IL17RA: variants seen among roughly 807,000 people sequenced by gnomAD.
IL17RA encodes interleukin-17 receptor A.
In IL17RA, 34 loss-of-function variants were observed where a neutral mutation model predicts 50.4. The observed-to-expected ratio is 0.67, with a 90% confidence interval of 0.51 to 0.90. The LOEUF (loss-of-function observed/expected upper bound fraction) is 0.90, where lower values mean the gene tolerates loss of function less well. Among genes scored for constraint, IL17RA ranks in the 40% least tolerant of loss-of-function variants. The pLI is 0.00. For synonymous variants in IL17RA, 585 were observed against 510.4 expected, an observed-to-expected ratio of 1.15 and a Z score of -1.97; for missense variants, 1,276 against 1,169.8, an observed-to-expected ratio of 1.09 and a Z score of -1.32.
At chr22:17,108,285 A>T in intron 12 of IL17RA, 22 bp from the exon 13 acceptor site, 1 of 1,612,906 alleles carries the variant, frequency 6.2e-7, no homozygotes, top group Non-Finnish European at 8.5e-7. Flanking sequence ...GAGGGTCAGC[A>T]TGTGTGGTCT....
intron 3 of IL17RA, 113 bp downstream of exon 3, chr22:17,098,056 T>C: frequency 8.0e-7 from 1 of 1,257,054 alleles, no homozygotes; most frequent in South Asian, 1.2e-5. Context: ...GGGGTTCAAA[T>C]TTAGTGCTAT....
intron 10 of IL17RA, 92 bp from the exon 11 acceptor site, chr22:17,105,761 G>T: frequency 7.1e-7 from 1 of 1,417,390 alleles, no homozygotes; most frequent in Non-Finnish European, 9.9e-7. Context: ...GGCCAGAGAG[G>T]ACAGAGCCTG....
At chr22:17,105,828 ACT>A (rs761432304) in intron 10 of IL17RA, 23 bp from the exon 11 acceptor site, 2 of 392,618 alleles carry the variant, frequency 5.1e-6, no homozygotes, top group Non-Finnish European at 6.8e-6. Flanking sequence ...CCGCCGCATC[ACT>A]CACGCTGTTC....
Position 17,085,108 on chromosome 22 carries a change from G to A in IL17RA, c.17G>A (p.Ser6Asn). The change falls in exon 1 of 13, where the codon AGC becomes AAC. Residue 6 changes from serine (S) to asparagine (N), a missense_variant. Coordinates refer to ENST00000319363, the MANE Select transcript of IL17RA (RefSeq NM_014339.7). ...AGCCGGGCCATGGGGGCCGCACGCA[G>A]CCCGCCGTCCGCTGTCCCGGGGCCC... The part of the protein sequence containing the change: MGAAR[S>N]PPSAVPGPLL... 3.7e-6 allele frequency: 5 copies of A among 1,368,894 alleles called. No homozygotes were observed. Among genetic ancestry groups the A allele is most frequent in the Non-Finnish European group, 4.7e-6 (5 of 1,061,778 alleles). 84.8% of individuals were successfully genotyped at this position (1,368,894 alleles called of 1,614,324 possible).
Position 17,114,025 on chromosome 22 carries a change from G to A in IL17RA, c.*4205G>A, listed in dbSNP as rs738034. On this transcript the variant is annotated 3_prime_UTR_variant, in exon 13 of 13. Transcript: ENST00000319363. ...CCGGTGTTTGCCTTTTCAGATTATA[G>A]AAGTAATATGTGTTCCCATATTTGG... The A allele has an allele frequency of 0.56, 84,496 of 152,082 alleles. 23,820 individuals are homozygous for A. Among genetic ancestry groups the A allele is most frequent in the Middle Eastern group, 0.69 (204 of 294 alleles). The allele number at this position is 152,082 out of a possible 1,614,324, so 9.4% of individuals were successfully genotyped here.
chr22:17,094,681 CTCTCTCTCTCTA>C (rs1321995765), intron 1 of IL17RA, among the ~76,000 whole-genome samples: 1 of 48,200 alleles, frequency 2.1e-5, no homozygotes, highest in Admixed American at 1.8e-4. Context: ...CTCTCTCTCT[CTCTCTCTCTCTA>C]TATATATATA....
At chr22:17,091,190 G>A (rs2061346577) in intron 1 of IL17RA, among the ~76,000 whole-genome samples, 1 of 152,140 alleles carries the variant, frequency 6.6e-6, no homozygotes, top group African/African-American at 2.4e-5. Flanking sequence ...TATGTATGAG[G>A]GATGGATATA....
intron 4 of IL17RA, among the ~76,000 whole-genome samples, chr22:17,100,150 A>C (rs972721972): frequency 6.6e-5 from 10 of 151,850 alleles, no homozygotes; most frequent in African/African-American, 2.4e-4. Context: ...TTAAAAAAAA[A>C]AAAAAAAAAA....
Position 17,109,081 on chromosome 22 carries a change from C to A in IL17RA, c.1862C>A (p.Ala621Glu), listed in dbSNP as rs200201810. The change falls in exon 13 of 13, where the codon GCG (alanine) becomes GAG (glutamate). Residue 621 changes from alanine to glutamate, a missense_variant. By Grantham distance (107) the Ala-to-Glu change is moderately radical. Coordinates refer to ENST00000319363, the MANE Select transcript of IL17RA (RefSeq NM_014339.7). ...CCGGGAACCGGCATCGTGAAGCGGG[C>A]GCCCCTGGTGCGCGAGCCTGGCTCC... is the stretch of plus-strand genomic sequence containing the variant. ...LPPGTGIVKR[A>E]PLVREPGSQA... The A allele has an allele frequency of 4.5e-5, 71 of 1,575,586 alleles. No homozygotes were observed. The African/African-American group carries it at 9.4e-4, about 21-fold the overall frequency.
intron 1 of IL17RA, among the ~76,000 whole-genome samples, chr22:17,088,306 T>C (rs1312367039): frequency 4.6e-5 from 7 of 152,076 alleles, no homozygotes; most frequent in African/African-American, 1.7e-4. Flanking sequence ...ATTGGAGGTA[T>C]CCCTTATTTA....
chr22:17,100,222 T>C, intron 4 of IL17RA, 133 bp from the exon 5 acceptor site: 1 of 1,053,812 alleles, frequency 9.5e-7, no homozygotes, highest in Non-Finnish European at 1.5e-6. Flanking sequence ...ACCTTGGATT[T>C]TGCTGTGGTT....
intron 1 of IL17RA, among the ~76,000 whole-genome samples, chr22:17,096,795 G>A (rs41512346): frequency 6.6e-5 from 10 of 151,626 alleles, no homozygotes; most frequent in East Asian, 1.9e-4. Context: ...GCGTGAACCC[G>A]GGAGGCGGAG....
chr22:17,109,469 C>T lies in IL17RA; in HGVS notation c.2250C>T (p.Gly750=), dbSNP rs1421012273. 1 of 1,612,750 alleles carries T rather than the reference C, an allele frequency of 6.2e-7. No individual in the cohort carries two copies. The highest frequency in any genetic ancestry group is 1.1e-5 in the South Asian group (1 of 90,864). The change falls in exon 13 of 13, where the codon GGC becomes GGT. Residue 750 remains glycine (G), a synonymous_variant. Coordinates refer to ENST00000319363, the MANE Select transcript of IL17RA (RefSeq NM_014339.7). The stretch of plus-strand genomic sequence containing the variant: ...AGGACGTGAGGGAGCACCTCGAAGG[C>T]TTGATGCTCTCGCTCTTCGAGCAGA... ...LPEDVREHLE[G]LMLSLFEQSL... is the part of the protein sequence containing the mutation.
At chr22:17,098,397 G>A (rs1370443371) in intron 3 of IL17RA, among the ~76,000 whole-genome samples, 2 of 152,180 alleles carry the variant, frequency 1.3e-5, no homozygotes, top group East Asian at 1.9e-4. Context: ...ATTTGTGAAC[G>A]GGGCATGGGG....
At chr22:17,096,191 C>A (rs1290092304) in intron 1 of IL17RA, among the ~76,000 whole-genome samples, 1 of 152,158 alleles carries the variant, frequency 6.6e-6, no homozygotes, top group Non-Finnish European at 1.5e-5. Context: ...ACTAGGGCTT[C>A]TAAATTTGGC....
intron 8 of IL17RA, among the ~76,000 whole-genome samples, chr22:17,103,778 C>G (rs1202128125): frequency 3.2e-5 from 4 of 126,138 alleles, no homozygotes; most frequent in East Asian, 2.2e-4. Context: ...GGAGTGTGCA[C>G]AGGTGGAGAG....
At chr22:17,085,282 A>G in intron 1 of IL17RA, 53 bp downstream of exon 1, 5 of 1,530,774 alleles carry the variant, frequency 3.3e-6, no homozygotes, top group Non-Finnish European at 4.4e-6. Context: ...GACGCGGGGC[A>G]AGGTCGCGGA....
rs750666893 is a variant in IL17RA, at chr22:17,108,954, G to A, written c.1735G>A (p.Val579Ile). Residue 579 changes from valine to isoleucine, a missense_variant, in exon 13 of 13, where the codon GTC becomes ATC. Coordinates refer to ENST00000319363, the MANE Select transcript of IL17RA (RefSeq NM_014339.7). Reference protein sequence around the residue: ...AALDRFRDWQVRCPDWFECEN... With the variant: ...AALDRFRDWQIRCPDWFECEN... ...CCTGGACAGGTTCCGGGACTGGCAG[G>A]TCCGCTGTCCCGACTGGTTCGAATG... The A allele has an allele frequency of 1.9e-5, 31 of 1,608,756 alleles. No homozygotes were observed. In the East Asian group the frequency reaches 2.5e-4, roughly 13 times the overall value.
At position 17,097,930 on chromosome 22, in the gene IL17RA, A is replaced by G. The variant is rs139951966; in HGVS notation, c.297A>G (p.Thr99=). The change falls in exon 3 of 13, where the codon ACA becomes ACG. Residue 99 remains threonine (T), a synonymous_variant. Coordinates refer to ENST00000319363, the MANE Select transcript of IL17RA (RefSeq NM_014339.7). ...TCCCCGTGGCTCACATCGAATGGAC[A>G]CTGCAGACAGACGGTGAGTGGGCAT... ...DLFPVAHIEW[T]LQTDASILYL... 4.8e-5 allele frequency: 78 copies of G among 1,614,104 alleles called. No homozygotes were observed. Among genetic ancestry groups the G allele is most frequent in the Non-Finnish European group, 5.9e-5 (70 of 1,180,030 alleles).
Sources: allele counts gnomAD v4.1 joint callset (sites outside exome capture counted in the v4.1 genomes callset), GRCh38; gene constraint gnomAD v4.1.1; transcripts MANE v1.5; gene names NCBI Gene and HGNC (gene_info 2026-07-23, HGNC 2026-07-21).